The following ROBO1 variants were observed in gnomAD, a reference collection of about 807,000 sequenced individuals.
ROBO1 encodes roundabout homolog 1.
A neutral mutation model predicts 195.9 loss-of-function variants in ROBO1; 149 were observed. The ratio of observed to expected loss-of-function variants is 0.76; its 90% confidence interval spans 0.67 to 0.87. ROBO1 has a LOEUF of 0.87. ROBO1 is among the 40% of genes least tolerant of loss of function. The pLI is 0.00. For missense variants in ROBO1, 1,933 were observed against 2,068.3 expected, an observed-to-expected ratio of 0.93 and a Z score of 1.27; for synonymous variants, 816 against 733.2, an observed-to-expected ratio of 1.11 and a Z score of -1.82.
intron 2 of ROBO1, among the ~76,000 whole-genome samples, chr3:79,425,710 T>TAC (rs140963554): frequency 0.012 from 1,769 of 146,694 alleles, 26 homozygotes; most frequent in African/African-American, 0.036. Flanking sequence ...CACACACACA[T>TAC]ACACACACAC....
chr3:79,116,550 C>T (rs1355856477), intron 3 of ROBO1, among the ~76,000 whole-genome samples: 22 of 135,718 alleles, frequency 1.6e-4, no homozygotes, highest in Admixed American at 2.3e-4. Flanking sequence ...TTGACAGTCT[C>T]ACTTTGTCAC....
intron 1 of ROBO1, among the ~76,000 whole-genome samples, chr3:79,742,506 C>T (rs1007668240): frequency 1.3e-5 from 2 of 152,178 alleles, no homozygotes; most frequent in Non-Finnish European, 2.9e-5. Flanking sequence ...CTCTCTCTCT[C>T]TCTCCCCACT....
At chr3:78,954,509 T>G (rs926132096) in intron 3 of ROBO1, among the ~76,000 whole-genome samples, 1 of 152,026 alleles carries the variant, frequency 6.6e-6, no homozygotes, top group Non-Finnish European at 1.5e-5. Flanking sequence ...TATAACATAA[T>G]ATAATATAGT....
chr3:79,046,148 A>G (rs2078587546), intron 3 of ROBO1, among the ~76,000 whole-genome samples: 1 of 152,118 alleles, frequency 6.6e-6, no homozygotes, highest in Non-Finnish European at 1.5e-5. Context: ...TTCTGCCTTG[A>G]GTGTTCTCTC....
At chr3:79,493,520 T>G (rs1456677247) in intron 2 of ROBO1, among the ~76,000 whole-genome samples, 1 of 152,158 alleles carries the variant, frequency 6.6e-6, no homozygotes, top group Non-Finnish European at 1.5e-5. Flanking sequence ...TACATTGGAA[T>G]GGACATTGAC....
intron 2 of ROBO1, among the ~76,000 whole-genome samples, chr3:79,426,268 T>C (rs2038442966): frequency 6.6e-6 from 1 of 152,178 alleles, no homozygotes; most frequent in Admixed American, 6.6e-5. Flanking sequence ...ACACAAATAA[T>C]ATACATAATA....
At chr3:79,103,857 A>G (rs2079725452) in intron 3 of ROBO1, among the ~76,000 whole-genome samples, 1 of 151,796 alleles carries the variant, frequency 6.6e-6, no homozygotes, top group South Asian at 2.1e-4. Flanking sequence ...GATTTTATAT[A>G]AGGCATTTGG....
At position 78,887,303 on chromosome 3, in the gene ROBO1, G is replaced by A. The variant is rs557510662; in HGVS notation, c.499+51298C>T. On this transcript the variant is annotated intron_variant, in intron 4 of 30. Coordinates refer to ENST00000464233, the MANE Select transcript of ROBO1 (RefSeq NM_002941.4). ...AGTTTGGGACTCATCTGTTAAAAAG[G>A]GCTGTTGAGAGGACTGGATGAAATC... is the stretch of plus-strand genomic sequence containing the variant. Among the ~76,000 whole-genome samples, 10 of 152,210 alleles carry A rather than the reference G, an allele frequency of 6.6e-5. 1 individual carries two copies. The highest frequency in any genetic ancestry group is 2.4e-4 in the African/African-American group (10 of 41,540).
intron 1 of ROBO1, among the ~76,000 whole-genome samples, chr3:79,672,040 A>G (rs1056652026): frequency 6.6e-6 from 1 of 152,080 alleles, no homozygotes; most frequent in South Asian, 2.1e-4. Flanking sequence ...CATTGATCAC[A>G]AAAGAACAAT....
chr3:78,740,450 T>TTTTCTTTCTTTC lies in ROBO1; in HGVS notation c.657+6281_657+6292dup, dbSNP rs150036229. Reference sequence around the variant, plus strand: ...AGCAACTTATTTCTTATTTTTCTTTTTTTCTTTCTTTCTTTCTTTCTTTCT... The same window carrying TTTTCTTTCTTTC: ...AGCAACTTATTTCTTATTTTTCTTTTTTTCTTTCTTTCTTTCTTTCTTTCTTTCTTTCTTTCT... On this transcript the variant is annotated intron_variant, in intron 5 of 30. Transcript: ENST00000464233. Among the ~76,000 whole-genome samples, 465 of 103,222 alleles carry TTTTCTTTCTTTC rather than the reference T, an allele frequency of 4.5e-3. 1 individual carries two copies. The highest frequency in any genetic ancestry group is 8.2e-3 in the East Asian group (37 of 4,500). The allele number at this position is 103,222 out of a possible 152,430, so 67.7% of individuals were successfully genotyped here.
intron 2 of ROBO1, among the ~76,000 whole-genome samples, chr3:79,343,640 C>T (rs1225675517): frequency 6.6e-6 from 1 of 152,092 alleles, no homozygotes; most frequent in Non-Finnish European, 1.5e-5. Flanking sequence ...CTGATGACAG[C>T]TGAAACCATT....
chr3:78,809,863 A>G (rs2084678618), intron 4 of ROBO1, among the ~76,000 whole-genome samples: 1 of 152,136 alleles, frequency 6.6e-6, no homozygotes, highest in Admixed American at 6.5e-5. Context: ...GGGGAGGGAT[A>G]GCATTAGGAG....
chr3:79,577,760 A>ACACACACACACACACAC (rs1560010007), intron 2 of ROBO1, among the ~76,000 whole-genome samples: 1 of 148,316 alleles, frequency 6.7e-6, no homozygotes, highest in African/African-American at 2.5e-5. Flanking sequence ...ACACACACAC[A>ACACACACACACACACAC]AAATTGCTGG....
At chr3:79,158,853 GC>G (rs1361159402) in intron 2 of ROBO1, among the ~76,000 whole-genome samples, 1 of 151,590 alleles carries the variant, frequency 6.6e-6, no homozygotes, top group Admixed American at 6.6e-5. Context: ...TACTATGTAA[GC>G]CTGCTGTTTT....
At chr3:79,626,068 C>T (rs1313945011) in intron 1 of ROBO1, among the ~76,000 whole-genome samples, 3 of 152,194 alleles carry the variant, frequency 2.0e-5, no homozygotes, top group Admixed American at 6.5e-5. Flanking sequence ...TAATCCATCA[C>T]ATAAACAGAA....
intron 4 of ROBO1, among the ~76,000 whole-genome samples, chr3:78,802,948 G>A (rs1372038028): frequency 6.6e-6 from 1 of 152,124 alleles, no homozygotes; most frequent in East Asian, 1.9e-4. Context: ...TAGCCAGTAA[G>A]TATTCTGAAT....
intron 1 of ROBO1, among the ~76,000 whole-genome samples, chr3:79,671,702 T>C (rs1321688261): frequency 6.6e-6 from 1 of 151,908 alleles, no homozygotes; most frequent in African/African-American, 2.4e-5. Context: ...TATAAAAAAG[T>C]ATACAACATA....
At chr3:79,453,945 T>C (rs1189797891) in intron 2 of ROBO1, among the ~76,000 whole-genome samples, 2 of 152,084 alleles carry the variant, frequency 1.3e-5, no homozygotes. Context: ...CTGAGCCTCT[T>C]CTAGACTTTT....
intron 2 of ROBO1, among the ~76,000 whole-genome samples, chr3:79,231,035 G>A (rs2082310211): frequency 6.6e-6 from 1 of 152,076 alleles, no homozygotes; most frequent in African/African-American, 2.4e-5. Flanking sequence ...GACTGAAGCT[G>A]GACCCCTTCC....
Sources: gnomAD v4.1 joint callset for allele counts (sites outside exome capture counted in the v4.1 genomes callset) on GRCh38, gnomAD v4.1.1 for gene constraint, MANE v1.5 for transcripts, NCBI Gene and HGNC (gene_info 2026-07-23, HGNC 2026-07-21) for gene names.